The following ZNF292 variants were observed in gnomAD, a reference collection of about 807,000 sequenced individuals.
ZNF292 encodes 16 zinc-finger domain protein.
A neutral mutation model predicts 217.9 loss-of-function variants in ZNF292; 26 were observed. The observed-to-expected ratio is 0.12, with a 90% CI of 0.09 to 0.17. The LOEUF is 0.17. ZNF292 is among the 10% of genes least tolerant of loss of function. The probability of loss-of-function intolerance (pLI) is 1.00; values close to 1 mark genes in which losing one functional copy is unlikely to be tolerated. For missense variants in ZNF292, 2,904 were observed against 3,175.2 expected, an observed-to-expected ratio of 0.91 and a Z score of 2.05; for synonymous variants, 1,257 against 1,124.1, an observed-to-expected ratio of 1.12 and a Z score of -2.37.
rs1346378853 is a variant in ZNF292, at chr6:87,260,378, CAGA to C, written c.6756_6758del (p.Glu2252del). 1.7e-5 allele frequency: 28 copies of C among 1,613,356 alleles called. No homozygotes were observed. Among genetic ancestry groups the C allele is most frequent in the Non-Finnish European group, 2.4e-5 (28 of 1,179,622 alleles). On this transcript the variant is annotated inframe_deletion, in exon 8 of 8. Coordinates refer to ENST00000369577, the MANE Select transcript of ZNF292 (RefSeq NM_015021.3). ...GGGATTGGACTAAGGGCAAGTAAAA[CAGA>C]AGAAGATGGTGTATACAAATGTGAT... is the stretch of plus-strand genomic sequence containing the variant.
chr6:87,190,241 A>G (rs1339909239), intron 1 of ZNF292, among the ~76,000 whole-genome samples: 1 of 152,202 alleles, frequency 6.6e-6, no homozygotes, highest in African/African-American at 2.4e-5. Flanking sequence ...CGTAATAACT[A>G]ACAAAATTTA....
intron 1 of ZNF292, among the ~76,000 whole-genome samples, chr6:87,191,807 G>C (rs1771829582): frequency 6.6e-6 from 1 of 152,118 alleles, no homozygotes; most frequent in Non-Finnish European, 1.5e-5. Context: ...GGGGTTGCAG[G>C]AGTGCCCACC....
intron 3 of ZNF292, among the ~76,000 whole-genome samples, chr6:87,216,835 A>T (rs931423286): frequency 6.6e-6 from 1 of 152,052 alleles, no homozygotes; most frequent in African/African-American, 2.4e-5. Flanking sequence ...CTAAGATCAC[A>T]TAGTAGTTAT....
intron 2 of ZNF292, 51 bp downstream of exon 2, chr6:87,216,108 GACAC>G (rs57115253): frequency 0.13 from 62,612 of 490,354 alleles, 1,598 homozygotes; most frequent in East Asian, 0.26. Context: ...AAAATACATA[GACAC>G]ACACACACAC....
chr6:87,220,908 A>G (rs897430247), intron 4 of ZNF292, among the ~76,000 whole-genome samples: 1 of 152,208 alleles, frequency 6.6e-6, no homozygotes, highest in East Asian at 1.9e-4. Flanking sequence ...GAGATGTTAC[A>G]TGATGGAGAG....
intron 4 of ZNF292, among the ~76,000 whole-genome samples, chr6:87,231,011 C>T (rs1412873821): frequency 6.6e-6 from 1 of 152,016 alleles, no homozygotes; most frequent in Non-Finnish European, 1.5e-5. Context: ...TTTGATACGT[C>T]TAAGCTACTC....
chr6:87,213,304 A>G (rs1378012638), intron 1 of ZNF292, among the ~76,000 whole-genome samples: 1 of 152,112 alleles, frequency 6.6e-6, no homozygotes, highest in Non-Finnish European at 1.5e-5. Flanking sequence ...AAGAAATAGC[A>G]CTCAAACATA....
intron 5 of ZNF292, among the ~76,000 whole-genome samples, chr6:87,234,771 T>C (rs1405760169): frequency 6.6e-6 from 1 of 152,134 alleles, no homozygotes; most frequent in Admixed American, 6.5e-5. Context: ...TAATAGAGCA[T>C]GCATGATCCT....
intron 1 of ZNF292, among the ~76,000 whole-genome samples, chr6:87,188,183 A>G (rs900071540): frequency 2.6e-5 from 4 of 152,186 alleles, no homozygotes; most frequent in African/African-American, 9.7e-5. Context: ...ACTCTCTGAT[A>G]GTGAGTTTTG....
At chr6:87,205,922 C>G (rs1406639548) in intron 1 of ZNF292, among the ~76,000 whole-genome samples, 1 of 152,202 alleles carries the variant, frequency 6.6e-6, no homozygotes, top group East Asian at 1.9e-4. Context: ...TAATAAACCA[C>G]TAAAACCTTA....
intron 1 of ZNF292, among the ~76,000 whole-genome samples, chr6:87,202,086 A>C (rs1772116360): frequency 6.6e-6 from 1 of 152,262 alleles, no homozygotes; most frequent in African/African-American, 2.4e-5. Flanking sequence ...TCAACATGTC[A>C]AATTCTGTAA....
In ZNF292 at chr6:87,258,731, A is replaced by ATTT; in HGVS notation, c.5103_5104insTTT (p.Asp1701_Val1702insPhe). 6.2e-7 allele frequency: 1 copy of ATTT among 1,613,442 alleles called. No individual in the cohort carries two copies. Among genetic ancestry groups the ATTT allele is most frequent in the Middle Eastern group, 1.6e-4 (1 of 6,062 alleles). On this transcript the variant is annotated inframe_insertion, in exon 8 of 8. Coordinates refer to ENST00000369577, the MANE Select transcript of ZNF292 (RefSeq NM_015021.3). ...GTTAACAATCAGTTATTTATGACTG[A>ATTT]TGTAAAAGAGAATTTCAAAACCAGT... is the stretch of plus-strand genomic sequence containing the variant.
At chr6:87,202,397 T>C (rs1168252846) in intron 1 of ZNF292, among the ~76,000 whole-genome samples, 2 of 152,228 alleles carry the variant, frequency 1.3e-5, no homozygotes, top group Non-Finnish European at 2.9e-5. Flanking sequence ...ATGGATCTTA[T>C]ATCTAACTAC....
In ZNF292 at chr6:87,179,202, C is replaced by T. The variant is rs555194068; in HGVS notation, c.168+23443C>T. Among the ~76,000 whole-genome samples the T allele has an allele frequency of 1.6e-4, 22 of 140,814 alleles. No homozygotes were observed. The South Asian group carries it at 2.6e-3, about 17-fold the overall frequency. The allele number at this position is 140,814 out of a possible 152,430, so 92.4% of individuals were successfully genotyped here. ...GGAGATGGAGTCTCACTCTGTCGCC[C>T]GGGCTGGAGTGCACTGGCTTGATCT... On this transcript the variant is annotated intron_variant, in intron 1 of 7. Transcript: ENST00000369577.
chr6:87,254,883 T>C lies in ZNF292; in HGVS notation c.1254T>C (p.Asp418=). 1.9e-6 allele frequency: 3 copies of C among 1,613,856 alleles called. No homozygotes were observed. The highest frequency in any genetic ancestry group is 2.5e-6 in the Non-Finnish European group (3 of 1,179,804). Reference sequence around the variant, plus strand: ...ATAATCAGCCAGACCAGAAATATGATGAAGAGAATCTTCCAATACCAAATT... The same window carrying C: ...ATAATCAGCCAGACCAGAAATATGACGAAGAGAATCTTCCAATACCAAATT... ...MLYNQPDQKY[D]EENLPIPNSL... Residue 418 remains aspartate, a synonymous_variant, in exon 8 of 8, where the codon GAT becomes GAC. Transcript: ENST00000369577.
intron 1 of ZNF292, among the ~76,000 whole-genome samples, chr6:87,184,202 A>G (rs114504956): frequency 6.8e-4 from 104 of 152,352 alleles, no homozygotes; most frequent in African/African-American, 2.4e-3. Flanking sequence ...AATTGGCACA[A>G]TGTGTGAAGG....
At chr6:87,181,590 C>T (rs745747667) in intron 1 of ZNF292, among the ~76,000 whole-genome samples, 3 of 152,110 alleles carry the variant, frequency 2.0e-5, no homozygotes, top group Non-Finnish European at 4.4e-5. Context: ...GGGCATTTGC[C>T]GGGGATCTGC....
chr6:87,203,262 C>T (rs1395104019), intron 1 of ZNF292, among the ~76,000 whole-genome samples: 1 of 151,422 alleles, frequency 6.6e-6, no homozygotes, highest in African/African-American at 2.4e-5. Context: ...CACCTCAGCA[C>T]CCCAGAGTAG....
At position 87,241,700 on chromosome 6, in the gene ZNF292, G is replaced by A. The variant is rs1027709011; in HGVS notation, c.742-1775G>A. ...CTTCCAAAGTGTTTGGATTACAGGC[G>A]TGAGCCACCGTGTCCGGCCAGAGCT... On this transcript the variant is annotated intron_variant, in intron 5 of 7. Transcript: ENST00000369577. 1.7e-4 allele frequency among the ~76,000 whole-genome samples: 26 copies of A among 152,202 alleles called. 1 individual carries two copies. The highest frequency in any genetic ancestry group is 5.9e-4 in the Admixed American group (9 of 15,282).
Sources: gnomAD v4.1 joint callset for allele counts (sites outside exome capture counted in the v4.1 genomes callset) on GRCh38, gnomAD v4.1.1 for gene constraint, MANE v1.5 for transcripts, NCBI Gene and HGNC (gene_info 2026-07-23, HGNC 2026-07-21) for gene names.